The following RGS22 variants were observed in gnomAD, a reference collection of about 807,000 sequenced individuals.
The protein encoded by RGS22 is regulator of G protein signaling 22, also known as regulator of G-protein signaling 22.
In RGS22, 148 loss-of-function variants were observed where a neutral mutation model predicts 172.9. The observed-to-expected ratio is 0.86, with a 90% confidence interval of 0.75 to 0.98. The LOEUF is 0.98. RGS22 is among the 50% of genes least tolerant of loss of function. The probability of loss-of-function intolerance (pLI) is 0.00; values close to 1 mark genes in which losing one functional copy is unlikely to be tolerated. For synonymous variants in RGS22, 458 were observed against 480.2 expected (o/e 0.95, Z 0.60); for missense variants, 1,347 against 1,440.8 (o/e 0.93, Z 1.05).
intron 27 of RGS22, 127 bp downstream of exon 27, chr8:99,962,267 C>G (rs1160890665): frequency 4.7e-6 from 3 of 637,588 alleles, no homozygotes; most frequent in Non-Finnish European, 8.4e-6. Flanking sequence ...GGCTCTCCTC[C>G]CCATCGACTT....
At chr8:100,095,385 T>C (rs1326857380) in intron 2 of RGS22, among the ~76,000 whole-genome samples, 2 of 152,144 alleles carry the variant, frequency 1.3e-5, no homozygotes, top group Non-Finnish European at 2.9e-5. Context: ...TGTTTCACCA[T>C]GTTGCCCAGG....
chr8:100,031,132 A>C (rs1415502611), intron 14 of RGS22, among the ~76,000 whole-genome samples: 1 of 152,200 alleles, frequency 6.6e-6, no homozygotes, highest in Non-Finnish European at 1.5e-5. Flanking sequence ...GTAGAGGAAA[A>C]CAAAATGTAA....
chr8:100,008,440 T>G lies in RGS22; in HGVS notation c.2296A>C (p.Ile766Leu). 2 of 1,613,658 alleles carry G rather than the reference T, an allele frequency of 1.2e-6. No individual in the cohort carries two copies. Among genetic ancestry groups the G allele is most frequent in the Non-Finnish European group, 1.7e-6 (2 of 1,179,892 alleles). ...CATGGCTCAAGAAGGAGGAGAAGGA[T>G]ATATTCCTCTGCTGTGTCAAAAAGG... is the stretch of plus-strand genomic sequence containing the variant. ...EDLFDTAEEY[I>L]LLLLLEPWTK... The change falls in exon 15 of 28, where the codon ATC (isoleucine) becomes CTC (leucine). Residue 766 changes from isoleucine (I) to leucine (L), a missense_variant. By Grantham distance (5) the Ile-to-Leu change is conservative. Transcript: ENST00000360863.
At chr8:100,070,581 T>A (rs1271343968) in intron 6 of RGS22, among the ~76,000 whole-genome samples, 5 of 152,204 alleles carry the variant, frequency 3.3e-5, no homozygotes, top group Non-Finnish European at 7.3e-5. Context: ...GTATATGTCA[T>A]TATAGCTATG....
At chr8:100,027,256 A>G (rs1205544723) in intron 14 of RGS22, among the ~76,000 whole-genome samples, 1 of 152,074 alleles carries the variant, frequency 6.6e-6, no homozygotes, top group Admixed American at 6.6e-5. Flanking sequence ...AGAGAGAGAC[A>G]TTATTATCTG....
intron 27 of RGS22, among the ~76,000 whole-genome samples, chr8:99,961,722 G>A (rs937369592): frequency 6.6e-6 from 1 of 152,140 alleles, no homozygotes. Flanking sequence ...GAGACTATGA[G>A]GCTGGCCTGA....
At chr8:100,105,424 C>T (rs747155531) in intron 1 of RGS22, 22 bp from the exon 2 acceptor site, 7 of 1,586,148 alleles carry the variant, frequency 4.4e-6, no homozygotes, top group Non-Finnish European at 6.1e-6. Flanking sequence ...CAAAATATTA[C>T]ATTATCTCCC....
intron 14 of RGS22, among the ~76,000 whole-genome samples, chr8:100,021,883 A>AG (rs2131462428): frequency 6.6e-6 from 1 of 152,332 alleles, no homozygotes; most frequent in East Asian, 1.9e-4. Flanking sequence ...CAGCAAAAAG[A>AG]GAAGTCTGTT....
intron 14 of RGS22, among the ~76,000 whole-genome samples, chr8:100,033,985 A>C (rs1346848878): frequency 1.3e-5 from 2 of 152,248 alleles, no homozygotes; most frequent in Non-Finnish European, 2.9e-5. Flanking sequence ...AGAGCTATTT[A>C]TGACAAACCC....
chr8:99,984,586 A>G (rs1226570539), intron 21 of RGS22, among the ~76,000 whole-genome samples: 1 of 152,098 alleles, frequency 6.6e-6, no homozygotes, highest in Non-Finnish European at 1.5e-5. Flanking sequence ...GTACTCCCAT[A>G]GCACACTGTG....
chr8:100,021,700 C>T (rs1235944724), intron 14 of RGS22, among the ~76,000 whole-genome samples: 2 of 151,664 alleles, frequency 1.3e-5, no homozygotes, highest in Non-Finnish European at 2.9e-5. Flanking sequence ...AACATGGGAT[C>T]TGCTCAACTG....
chr8:100,082,817 G>C lies in RGS22; in HGVS notation c.118-2462C>G, dbSNP rs184850217. Among the ~76,000 whole-genome samples the C allele has an allele frequency of 3.3e-5, 5 of 152,228 alleles. No individual in the cohort carries two copies. The East Asian group carries it at 9.7e-4, about 29-fold the overall frequency. On this transcript the variant is annotated intron_variant, in intron 3 of 27. Coordinates refer to ENST00000360863, the MANE Select transcript of RGS22 (RefSeq NM_015668.5). Reference sequence around the variant, plus strand: ...TTAGGGTAGCTGTGATTCAAACAAAGCATTTTGATTCCAAAGCCCATACTC... The same window carrying C: ...TTAGGGTAGCTGTGATTCAAACAAACCATTTTGATTCCAAAGCCCATACTC...
At chr8:99,981,898 A>G (rs73274939) in intron 22 of RGS22, 39 bp downstream of exon 22, 106,852 of 1,541,378 alleles carry the variant, frequency 0.069, 4,358 homozygotes, top group African/African-American at 0.16. Flanking sequence ...TTGTCAATCT[A>G]TTTTAAAATA....
chr8:100,038,993 C>T lies in RGS22; in HGVS notation c.2104G>A (p.Ala702Thr). The change falls in exon 14 of 28, where the codon GCT (alanine) becomes ACT (threonine). Residue 702 changes from alanine to threonine, a missense_variant. Physicochemically the swap from Ala to Thr is moderately conservative, Grantham distance 58. Coordinates refer to ENST00000360863, the MANE Select transcript of RGS22 (RefSeq NM_015668.5). ...TCTTGGTAGAAAAGCTGATGATAAG[C>T]CTGCAGGTCAAACCAAAAGTACACA... is the stretch of plus-strand genomic sequence containing the variant. ...NSVYFWFDLQ[A>T]YHQLFYQETL... The T allele has an allele frequency of 6.2e-7, 1 of 1,612,712 alleles. No homozygotes were observed.
intron 4 of RGS22, among the ~76,000 whole-genome samples, chr8:100,075,445 T>C (rs149021100): frequency 6.6e-6 from 1 of 152,360 alleles, no homozygotes; most frequent in African/African-American, 2.4e-5. Flanking sequence ...CAGAAGCAGA[T>C]GCTAGTGCCA....
rs201732416 is a variant in RGS22 at position 100,053,446 on chromosome 8, A to AAGGG, written c.1515-474_1515-471dup. Among the ~76,000 whole-genome samples the AAGGG allele has an allele frequency of 2.3e-3, 248 of 108,882 alleles. 1 individual carries two copies. The highest frequency in any genetic ancestry group is 5.4e-3 in the East Asian group (18 of 3,346). The allele number at this position is 108,882 out of a possible 152,430, so 71.4% of individuals were successfully genotyped here. Reference sequence around the variant, plus strand: ...TAAAAAAGGGAGGAAGGAAGGAAGGAAGGGAGGGAGGGAGAGAGGGAGGGA... The same window carrying AAGGG: ...TAAAAAAGGGAGGAAGGAAGGAAGGAAGGGAGGGAGGGAGGGAGAGAGGGAGGGA... On this transcript the variant is annotated intron_variant, in intron 9 of 27. Coordinates refer to ENST00000360863, the MANE Select transcript of RGS22 (RefSeq NM_015668.5).
chr8:100,092,079 TAA>T (rs1812627294), intron 3 of RGS22: 2 of 137,728 alleles, frequency 1.5e-5, no homozygotes, highest in East Asian at 2.2e-4. Flanking sequence ...TATATATATA[TAA>T]AACTAATCTA....
intron 23 of RGS22, among the ~76,000 whole-genome samples, chr8:99,968,388 G>A (rs930898713): frequency 8.5e-5 from 13 of 152,076 alleles, no homozygotes; most frequent in Admixed American, 4.6e-4. Context: ...TGAGTTTGAC[G>A]AATTGACAGA....
intron 21 of RGS22, among the ~76,000 whole-genome samples, chr8:99,982,683 A>G (rs1219943388): frequency 1.3e-5 from 2 of 152,226 alleles, no homozygotes; most frequent in Non-Finnish European, 2.9e-5. Context: ...GGTACTGGGC[A>G]TGCTGGTTGT....
Sources: gnomAD v4.1 joint callset for allele counts (sites outside exome capture counted in the v4.1 genomes callset) on GRCh38, gnomAD v4.1.1 for gene constraint, MANE v1.5 for transcripts, NCBI Gene and HGNC (gene_info 2026-07-23, HGNC 2026-07-21) for gene names.